The following ATP6V0D2 variants were observed in gnomAD, a reference collection of about 807,000 sequenced individuals.
The protein encoded by ATP6V0D2 is V-type proton ATPase subunit d 2.
ATP6V0D2 carries 40 observed loss-of-function variants against 40.0 expected under a neutral mutation model. The observed-to-expected ratio is 1.00, with a 90% confidence interval of 0.78 to 1.30. The LOEUF is 1.30. ATP6V0D2 is among the 50% of genes most tolerant of loss of function. ATP6V0D2 has a pLI of 0.00. For missense variants in ATP6V0D2, 470 were observed against 423.1 expected, an observed-to-expected ratio of 1.11 and a Z score of -0.97; for synonymous variants, 179 against 156.3, an observed-to-expected ratio of 1.15 and a Z score of -1.08.
chr8:86,139,500 G>T lies in ATP6V0D2; in HGVS notation c.346G>T (p.Ala116Ser), dbSNP rs779239449. ...IDNVILLMNG[A>S]LQKKSVKEIL... ...CAATGTGATTCTGCTGATGAATGGTGCATTGCAGAAAAAATCTGTGAAAGA... is the reference window on the plus strand; with the variant it reads ...CAATGTGATTCTGCTGATGAATGGTTCATTGCAGAAAAAATCTGTGAAAGA... The change falls in exon 3 of 8, where the codon GCA (alanine) becomes TCA (serine). Residue 116 changes from alanine (A) to serine (S), a missense_variant. Ala to Ser is a moderately conservative substitution (Grantham distance 99). Transcript: ENST00000285393. The T allele has an allele frequency of 1.5e-5, 25 of 1,613,594 alleles. No individual in the cohort carries two copies. The highest frequency in any genetic ancestry group is 2.1e-5 in the Non-Finnish European group (25 of 1,179,790).
At chr8:86,138,884 C>T (rs906617878) in intron 2 of ATP6V0D2, among the ~76,000 whole-genome samples, 2 of 152,186 alleles carry the variant, frequency 1.3e-5, no homozygotes, top group Admixed American at 1.3e-4. Context: ...CCGCATATTC[C>T]CACCAGCCAA....
chr8:86,119,059 T>C (rs1415287334), intron 2 of ATP6V0D2, among the ~76,000 whole-genome samples: 1 of 152,040 alleles, frequency 6.6e-6, no homozygotes, highest in Admixed American at 6.5e-5. Flanking sequence ...TTTATCTGAA[T>C]CAGAAAGCTG....
chr8:86,134,069 T>C (rs1032660208), intron 2 of ATP6V0D2, among the ~76,000 whole-genome samples: 7 of 151,986 alleles, frequency 4.6e-5, no homozygotes, highest in Non-Finnish European at 1.0e-4. Flanking sequence ...TCTTGAAAGC[T>C]ATGGGAAATG....
At chr8:86,131,723 A>G (rs1818827607) in intron 2 of ATP6V0D2, among the ~76,000 whole-genome samples, 2 of 146,280 alleles carry the variant, frequency 1.4e-5, no homozygotes, top group Admixed American at 1.4e-4. Context: ...CTGGTCTCGA[A>G]CTCCTGACCT....
chr8:86,107,758 C>G (rs1292398331), intron 1 of ATP6V0D2, among the ~76,000 whole-genome samples: 1 of 152,124 alleles, frequency 6.6e-6, no homozygotes. Context: ...TCAAAGATTG[C>G]TGCAGTAATC....
At chr8:86,134,832 C>T (rs935814062) in intron 2 of ATP6V0D2, among the ~76,000 whole-genome samples, 2 of 152,180 alleles carry the variant, frequency 1.3e-5, no homozygotes, top group Non-Finnish European at 2.9e-5. Context: ...CCATGGAATA[C>T]TACTCACCAA....
At chr8:86,118,365 C>T (rs1818625033) in intron 2 of ATP6V0D2, among the ~76,000 whole-genome samples, 1 of 151,846 alleles carries the variant, frequency 6.6e-6, no homozygotes, top group Non-Finnish European at 1.5e-5. Flanking sequence ...TGAGCCACCG[C>T]GCCTGTCCGC....
At chr8:86,103,016 G>A (rs1043969915) in intron 1 of ATP6V0D2, among the ~76,000 whole-genome samples, 7 of 152,128 alleles carry the variant, frequency 4.6e-5, no homozygotes, top group African/African-American at 1.7e-4. Context: ...AGACAAAATA[G>A]TAAATCAATA....
At position 86,149,133 on chromosome 8, in the gene ATP6V0D2, G is replaced by C. The variant is rs1819110700; in HGVS notation, c.640-979G>C. 2.7e-5 allele frequency among the ~76,000 whole-genome samples: 4 copies of C among 148,836 alleles called. No homozygotes were observed. In the Admixed American group the frequency reaches 2.7e-4, roughly 10 times the overall value. ...ATTTTAGAGTGTAGTGGGGAGAAAT[G>C]CAGGCACAGATTTCAAAATGAAGTG... On this transcript the variant is annotated intron_variant, in intron 5 of 7. Transcript: ENST00000285393.
chr8:86,144,712 G>A (rs1020757252), intron 5 of ATP6V0D2, among the ~76,000 whole-genome samples: 1 of 152,090 alleles, frequency 6.6e-6, no homozygotes, highest in Non-Finnish European at 1.5e-5. Context: ...TGCCCAAACT[G>A]GAGGAGTGCA....
intron 2 of ATP6V0D2, among the ~76,000 whole-genome samples, chr8:86,118,520 C>G (rs1030773182): frequency 6.6e-6 from 1 of 152,054 alleles, no homozygotes; most frequent in Non-Finnish European, 1.5e-5. Context: ...GAACGTATTC[C>G]TCCTCCCAGT....
intron 2 of ATP6V0D2, among the ~76,000 whole-genome samples, chr8:86,120,489 C>A (rs1818654641): frequency 6.6e-6 from 1 of 152,076 alleles, no homozygotes; most frequent in African/African-American, 2.4e-5. Flanking sequence ...GAGGCTGAGG[C>A]AGGAGGATCA....
At chr8:86,132,359 A>G (rs1038831722) in intron 2 of ATP6V0D2, among the ~76,000 whole-genome samples, 2 of 152,062 alleles carry the variant, frequency 1.3e-5, no homozygotes, top group African/African-American at 4.8e-5. Context: ...CTATTTTGTA[A>G]TATGTCATAC....
chr8:86,139,430 T>A (rs771970363), intron 2 of ATP6V0D2, 27 bp from the exon 3 acceptor site: 1 of 1,580,356 alleles, frequency 6.3e-7, no homozygotes, highest in Non-Finnish European at 8.6e-7. Context: ...AGCTGTCCTC[T>A]AATGATTGAG....
At chr8:86,114,898 C>A (rs1818572655) in intron 2 of ATP6V0D2, among the ~76,000 whole-genome samples, 1 of 152,120 alleles carries the variant, frequency 6.6e-6, no homozygotes, top group African/African-American at 2.4e-5. Context: ...AGACTAGGTC[C>A]AAGCCCAGGT....
At chr8:86,134,906 G>T (rs1459757647) in intron 2 of ATP6V0D2, among the ~76,000 whole-genome samples, 8 of 152,136 alleles carry the variant, frequency 5.3e-5, no homozygotes. Flanking sequence ...CAAGAACACT[G>T]AGCAGAGTTA....
rs920324336 is a variant in ATP6V0D2, at chr8:86,146,339, A to G, written c.639+3385A>G. 2.0e-5 allele frequency among the ~76,000 whole-genome samples: 3 copies of G among 152,070 alleles called. 1 individual carries two copies. The South Asian group carries it at 6.2e-4, about 31-fold the overall frequency. ...ACGATATGCCCAGTGTTCTCATGGT[A>G]CTTTTCCAATCTTCATGGTATCAGA... On this transcript the variant is annotated intron_variant, in intron 5 of 7. Coordinates refer to ENST00000285393, the MANE Select transcript of ATP6V0D2 (RefSeq NM_152565.1).
chr8:86,109,338 A>G (rs1818506400), intron 1 of ATP6V0D2, among the ~76,000 whole-genome samples: 2 of 152,180 alleles, frequency 1.3e-5, no homozygotes, highest in South Asian at 2.1e-4. Context: ...AAAGTATAAA[A>G]CTATGAGTAC....
intron 1 of ATP6V0D2, among the ~76,000 whole-genome samples, chr8:86,105,088 A>G (rs1450710597): frequency 1.3e-5 from 2 of 149,530 alleles, no homozygotes; most frequent in Non-Finnish European, 3.0e-5. Flanking sequence ...TTCCTACAGA[A>G]TCTATCATGG....
Sources: gnomAD v4.1 joint callset for allele counts (sites outside exome capture counted in the v4.1 genomes callset) on GRCh38, gnomAD v4.1.1 for gene constraint, MANE v1.5 for transcripts, NCBI Gene and HGNC (gene_info 2026-07-23, HGNC 2026-07-21) for gene names.